The following PARD3B variants were observed in gnomAD, a reference collection of about 807,000 sequenced individuals.
PARD3B encodes the protein par-3 family cell polarity regulator beta.
A neutral mutation model predicts 130.2 loss-of-function variants in PARD3B; 103 were observed. The ratio of observed to expected loss-of-function variants is 0.79; its 90% CI spans 0.67 to 0.93. PARD3B has a LOEUF of 0.93. Ranked by LOEUF, PARD3B falls within the 40% of genes least tolerant of loss-of-function variation. PARD3B has a pLI of 0.00. For synonymous variants in PARD3B, 583 were observed against 553.2 expected (o/e 1.05, Z -0.76); for missense variants, 1,609 against 1,499.2 (o/e 1.07, Z -1.21).
intron 4 of PARD3B, among the ~76,000 whole-genome samples, chr2:205,097,330 A>G (rs1702460175): frequency 6.6e-6 from 1 of 152,206 alleles, no homozygotes; most frequent in African/African-American, 2.4e-5. Flanking sequence ...CAGAAAGAAC[A>G]CTGAACTGAG....
intron 16 of PARD3B, among the ~76,000 whole-genome samples, chr2:205,298,496 A>ATTT (rs11287551): frequency 4.0e-5 from 6 of 149,842 alleles, no homozygotes; most frequent in African/African-American, 1.5e-4. Context: ...AATTTTTTGT[A>ATTT]TTTTTTTTTT....
chr2:204,958,324 A>G lies in PARD3B; in HGVS notation c.223-6828A>G, dbSNP rs188874185. On this transcript the variant is annotated intron_variant, in intron 2 of 22. Transcript: ENST00000406610. ...GTACTTCATGGCATTTATTGTTAAA[A>G]TATTTACTTGTCGGCATAGAAGTTG... Among the ~76,000 whole-genome samples, 474 of 152,278 alleles carry G rather than the reference A, an allele frequency of 3.1e-3. 6 individuals are homozygous for G. The highest frequency in any genetic ancestry group is 1.5e-3 in the Non-Finnish European group (99 of 68,022).
chr2:205,264,840 TTTC>T (rs1419351391), intron 16 of PARD3B, among the ~76,000 whole-genome samples: 1 of 151,052 alleles, frequency 6.6e-6, no homozygotes, highest in African/African-American at 2.4e-5. Flanking sequence ...GTAGAAAATT[TTTC>T]TTGTTATTTG....
intron 2 of PARD3B, among the ~76,000 whole-genome samples, chr2:204,716,418 G>C (rs1395835608): frequency 1.3e-5 from 2 of 151,988 alleles, no homozygotes; most frequent in Non-Finnish European, 2.9e-5. Context: ...TAGGGGGCCA[G>C]AGTTATACTG....
intron 3 of PARD3B, among the ~76,000 whole-genome samples, chr2:205,032,075 T>C (rs894506881): frequency 6.6e-6 from 1 of 152,202 alleles, no homozygotes; most frequent in African/African-American, 2.4e-5. Context: ...AGTTTGATTC[T>C]CTTTTTGAAG....
intron 18 of PARD3B, among the ~76,000 whole-genome samples, chr2:205,356,021 T>C (rs1574791010): frequency 6.6e-6 from 1 of 152,278 alleles, no homozygotes; most frequent in East Asian, 1.9e-4. Context: ...AGATGAGATT[T>C]GGGTGGGGAC....
At chr2:204,752,512 C>T (rs957623647) in intron 2 of PARD3B, among the ~76,000 whole-genome samples, 3 of 152,110 alleles carry the variant, frequency 2.0e-5, no homozygotes, top group African/African-American at 2.4e-5. Flanking sequence ...TGTTAATTTT[C>T]TAACAAATTA....
chr2:205,288,720 C>T lies in PARD3B; in HGVS notation c.2186-11810C>T, dbSNP rs2041490435. 6.6e-6 allele frequency among the ~76,000 whole-genome samples: 1 copy of T among 152,202 alleles called. No individual in the cohort carries two copies. Among genetic ancestry groups the T allele is most frequent in the Admixed American group, 6.5e-5 (1 of 15,286 alleles). On this transcript the variant is annotated intron_variant, in intron 16 of 22. Coordinates refer to ENST00000406610, the MANE Select transcript of PARD3B (RefSeq NM_001302769.2). The surrounding 1 kb of genome is among the most constrained non-coding windows in gnomAD (Gnocchi z 4.0). ...CCACCCCCCAGGAGACGTGTTTGGA[C>T]TTTTCCTCATGCCTTTTCCTCTAAG... is the stretch of plus-strand genomic sequence containing the variant.
intron 21 of PARD3B, among the ~76,000 whole-genome samples, chr2:205,512,035 G>A (rs1180384614): frequency 6.6e-6 from 1 of 152,156 alleles, no homozygotes; most frequent in African/African-American, 2.4e-5. Flanking sequence ...ACCTCTGAAA[G>A]GAAGACAGAA....
intron 15 of PARD3B, among the ~76,000 whole-genome samples, chr2:205,198,212 G>T (rs2036797900): frequency 6.6e-6 from 1 of 152,156 alleles, no homozygotes; most frequent in African/African-American, 2.4e-5. Context: ...GCCCATTTCA[G>T]AAGGGTGTTC....
intron 4 of PARD3B, among the ~76,000 whole-genome samples, chr2:205,068,416 T>C (rs193104060): frequency 6.6e-6 from 1 of 152,310 alleles, no homozygotes. Flanking sequence ...TTAATCTTAG[T>C]AGACATTTGT....
chr2:205,523,262 T>C (rs2051172710), intron 21 of PARD3B, among the ~76,000 whole-genome samples: 1 of 148,652 alleles, frequency 6.7e-6, no homozygotes, highest in African/African-American at 2.5e-5. Context: ...TATATATTTT[T>C]GAGATGGAGT....
At chr2:204,563,512 G>A (rs2031480413) in intron 1 of PARD3B, among the ~76,000 whole-genome samples, 1 of 152,000 alleles carries the variant, frequency 6.6e-6, no homozygotes, top group African/African-American at 2.4e-5. Flanking sequence ...CACATTGGGG[G>A]AATTCTGTTG....
Position 205,550,574 on chromosome 2 carries a change from A to G in PARD3B, c.3181-2750A>G, listed in dbSNP as rs2052572436. Among the ~76,000 whole-genome samples, 1 of 152,138 alleles carries G rather than the reference A, an allele frequency of 6.6e-6. No individual in the cohort carries two copies. Among genetic ancestry groups the G allele is most frequent in the Non-Finnish European group, 1.5e-5 (1 of 68,032 alleles). ...GACACCTCCAGGCCTCACCTGTGCT[A>G]CTGCTGATAACATCCTGAATGGCAC... On this transcript the variant is annotated intron_variant, in intron 21 of 22. Coordinates refer to ENST00000406610, the MANE Select transcript of PARD3B (RefSeq NM_001302769.2). This position sits in a 1 kb window ranked among gnomAD's most constrained non-coding sequence, Gnocchi z 4.5.
intron 18 of PARD3B, among the ~76,000 whole-genome samples, chr2:205,365,132 G>A (rs1175724750): frequency 2.0e-5 from 3 of 151,634 alleles, no homozygotes; most frequent in Non-Finnish European, 2.9e-5. Context: ...CCTAAGAGGC[G>A]GAGGTTGCAG....
At chr2:205,041,252 C>A (rs949868257) in intron 3 of PARD3B, among the ~76,000 whole-genome samples, 5 of 152,106 alleles carry the variant, frequency 3.3e-5, no homozygotes, top group African/African-American at 1.2e-4. Flanking sequence ...AAAATCTAGT[C>A]TTTGGTTTCT....
rs543211595 is a variant in PARD3B, at chr2:205,264,133, G to A, written c.2185+18311G>A. Among the ~76,000 whole-genome samples the A allele has an allele frequency of 8.5e-4, 129 of 150,986 alleles. 3 individuals are homozygous for A. The highest frequency in any genetic ancestry group is 3.1e-3 in the African/African-American group (128 of 41,162). On this transcript the variant is annotated intron_variant, in intron 16 of 22. Transcript: ENST00000406610. ...CTTTAATAGAAAGAATCATGAAGAA[G>A]GGTCAAGTTATGAGAATGAAAGTAT... is the stretch of plus-strand genomic sequence containing the variant.
intron 1 of PARD3B, among the ~76,000 whole-genome samples, chr2:204,652,022 T>C (rs2035495514): frequency 6.6e-6 from 1 of 152,150 alleles, no homozygotes; most frequent in African/African-American, 2.4e-5. Flanking sequence ...CATGAAATCA[T>C]CTTTCCCTCC....
At chr2:205,157,001 T>G (rs1004542802) in intron 10 of PARD3B, among the ~76,000 whole-genome samples, 1 of 152,170 alleles carries the variant, frequency 6.6e-6, no homozygotes. Context: ...TTGAAGGTAT[T>G]ACTAAAGCAA....
Sources: allele counts gnomAD v4.1 joint callset (sites outside exome capture counted in the v4.1 genomes callset), GRCh38; gene constraint gnomAD v4.1.1; non-coding constraint Gnocchi (gnomAD v3.1); transcripts MANE v1.5; gene names NCBI Gene and HGNC (gene_info 2026-07-23, HGNC 2026-07-21).